Variants in MRC1 observed in about 807,000 individuals in gnomAD.
MRC1 encodes the protein macrophage mannose receptor 1.
In MRC1, 62 loss-of-function variants were observed where a neutral mutation model predicts 102.9. The observed-to-expected ratio is 0.60, with a 90% CI of 0.49 to 0.74. MRC1 has a LOEUF of 0.74. Ranked by LOEUF, MRC1 falls within the 30% of genes least tolerant of loss-of-function variation. MRC1 has a pLI of 0.00. For missense variants in MRC1, 1,237 were observed against 862.8 expected (o/e 1.43, Z -5.43); for synonymous variants, 457 against 298.4 (o/e 1.53, Z -5.48).
At chr10:17,810,287 G>T (rs1316075456) in intron 1 of MRC1, among the ~76,000 whole-genome samples, 2 of 152,014 alleles carry the variant, frequency 1.3e-5, no homozygotes, top group Non-Finnish European at 2.9e-5. Flanking sequence ...TTCATTCCTG[G>T]TTCTATTTGG....
rs929967281 is a variant in MRC1 at position 17,833,217 on chromosome 10, C to T, written c.638-458C>T. Among the ~76,000 whole-genome samples, 495 of 152,144 alleles carry T rather than the reference C, an allele frequency of 3.3e-3. 4 individuals are homozygous for T. Among genetic ancestry groups the T allele is most frequent in the Non-Finnish European group, 3.2e-3 (218 of 67,986 alleles). On this transcript the variant is annotated intron_variant, in intron 3 of 29. Transcript: ENST00000569591. ...TCAGGAGTAAAGAAAATCTCAAAGT[C>T]ATCTTAAAAACAAGTAAAACAGTCC...
In MRC1 at chr10:17,910,748, CA is replaced by C. The variant is rs1302159362; in HGVS notation, c.*284del. The C allele has an allele frequency of 1.1e-5, 5 of 439,500 alleles. No individual in the cohort carries two copies. Among genetic ancestry groups the C allele is most frequent in the African/African-American group, 1.0e-4 (5 of 50,078 alleles). The allele number at this position is 439,500 out of a possible 1,614,324, so 27.2% of individuals were successfully genotyped here. On this transcript the variant is annotated 3_prime_UTR_variant, in exon 30 of 30. Transcript: ENST00000569591. ...AGCATTAGTGATGGGTAGCTGATGT[CA>C]GCTTCATGTGGATTTTAAGCACTCT...
intron 22 of MRC1, 104 bp downstream of exon 22, chr10:17,885,539 G>T: frequency 1.4e-6 from 1 of 730,714 alleles, no homozygotes; most frequent in South Asian, 1.6e-5. Flanking sequence ...AATACTCCTT[G>T]ATCTGTTCTA....
chr10:17,860,400 C>T (rs905193631), intron 9 of MRC1, among the ~76,000 whole-genome samples: 24 of 152,050 alleles, frequency 1.6e-4, no homozygotes, highest in Non-Finnish European at 2.6e-4. Context: ...CTCAGCCTCC[C>T]GAGTAGCTGG....
chr10:17,860,931 T>C (rs1833175733), intron 9 of MRC1, among the ~76,000 whole-genome samples: 1 of 152,270 alleles, frequency 6.6e-6, no homozygotes, highest in Non-Finnish European at 1.5e-5. Flanking sequence ...ATAATTTTCA[T>C]TGCATTTCAG....
chr10:17,845,534 T>G, intron 6 of MRC1, 99 bp downstream of exon 6: 1 of 755,988 alleles, frequency 1.3e-6, no homozygotes. Flanking sequence ...GCCAGAGGTT[T>G]TGTGGATAGT....
intron 11 of MRC1, among the ~76,000 whole-genome samples, chr10:17,864,891 G>T (rs1406024844): frequency 6.8e-6 from 1 of 148,040 alleles, no homozygotes; most frequent in Non-Finnish European, 1.5e-5. Flanking sequence ...TGACTAGAAA[G>T]CTTCCAAGCA....
rs541253094 is a variant in MRC1 at position 17,833,528 on chromosome 10, A to G, written c.638-147A>G. On this transcript the variant is annotated intron_variant, in intron 3 of 29. Transcript: ENST00000569591. The stretch of plus-strand genomic sequence containing the variant: ...AGAGCAAGACTCTGTCTCAAAAAAA[A>G]AAAAAAAAAGTAGAAAGGGGGAAAA... The G allele has an allele frequency of 8.5e-5, 58 of 683,918 alleles. No homozygotes were observed. The African/African-American group carries it at 1.0e-3, about 12-fold the overall frequency. The allele number at this position is 683,918 out of a possible 1,614,324, so 42.4% of individuals were successfully genotyped here. A position where few individuals can be genotyped will look rare whatever the true frequency, so the allele number is the denominator to read the frequency against.
chr10:17,852,821 A>G (rs1157244258), intron 7 of MRC1, 146 bp from the exon 8 acceptor site: 2 of 744,300 alleles, frequency 2.7e-6, no homozygotes, highest in African/African-American at 3.4e-5. Context: ...TCAGATGAGC[A>G]CTCATGAGGA....
At chr10:17,812,888 A>T (rs1471710109) in intron 1 of MRC1, among the ~76,000 whole-genome samples, 3 of 152,074 alleles carry the variant, frequency 2.0e-5, no homozygotes, top group Non-Finnish European at 4.4e-5. Context: ...GGCTCTTGCT[A>T]GCTGCTGCTA....
chr10:17,875,453 A>G (rs2130683050), intron 17 of MRC1, among the ~76,000 whole-genome samples, 200 bp downstream of exon 17: 1 of 152,264 alleles, frequency 6.6e-6, no homozygotes, highest in East Asian at 1.9e-4. Flanking sequence ...AGTCCATTGT[A>G]TCATTCTTAT....
intron 1 of MRC1, among the ~76,000 whole-genome samples, chr10:17,822,119 T>A (rs2130589109): frequency 6.6e-6 from 1 of 152,358 alleles, no homozygotes; most frequent in African/African-American, 2.4e-5. Flanking sequence ...AGCTAGCAGC[T>A]ATGTGCTGTT....
rs376765713 is a variant in MRC1 at position 17,907,680 on chromosome 10, A to G, written c.4060A>G (p.Ile1354Val). 3.6e-3 allele frequency: 2,841 copies of G among 780,822 alleles called. 13 individuals carry two copies. Among genetic ancestry groups the G allele is most frequent in the Non-Finnish European group, 3.2e-3 (1,343 of 417,940 alleles). 48.4% of individuals were successfully genotyped at this position (780,822 alleles called of 1,614,324 possible). The change falls in exon 28 of 30, where the codon ATT (isoleucine) becomes GTT (valine). Residue 1354 changes from isoleucine to valine, a missense_variant. Coordinates refer to ENST00000569591, the MANE Select transcript of MRC1 (RefSeq NM_002438.4). ...TCACTGTTCATCCTACAAAGGATAT[A>G]TTTGTAAAAGACCAAAAAGTAAGTA... is the stretch of plus-strand genomic sequence containing the variant. ...NIHCSSYKGY[I>V]CKRPKIIDAK...
chr10:17,889,465 T>G (rs1224736351), intron 22 of MRC1, among the ~76,000 whole-genome samples: 1 of 152,226 alleles, frequency 6.6e-6, no homozygotes, highest in East Asian at 1.9e-4. Context: ...GGGGTCTTTC[T>G]GTGTTACCCA....
intron 11 of MRC1, among the ~76,000 whole-genome samples, chr10:17,864,849 A>G (rs1224162434): frequency 1.4e-5 from 2 of 139,444 alleles, no homozygotes; most frequent in African/African-American, 2.6e-5. Context: ...AAAAAAAAAA[A>G]GCAGTGGAAA....
At position 17,829,110 on chromosome 10, in the gene MRC1, G is replaced by T. The variant is rs1239973009; in HGVS notation, c.637+1395G>T. Among the ~76,000 whole-genome samples the T allele has an allele frequency of 4.6e-5, 7 of 151,414 alleles. 1 individual carries two copies. The highest frequency in any genetic ancestry group is 1.7e-4 in the African/African-American group (7 of 40,712). On this transcript the variant is annotated intron_variant, in intron 3 of 29. Transcript: ENST00000569591. ...TCTTTCTCCTGCTGCCCTGCAAAGG[G>T]ACTGGGCAGAGCAAAGAGCATTCGA...
At position 17,909,783 on chromosome 10, in the gene MRC1, T is replaced by C. The variant is rs899488417; in HGVS notation, c.4121-432T>C. Among the ~76,000 whole-genome samples, 283 of 152,226 alleles carry C rather than the reference T, an allele frequency of 1.9e-3. 2 individuals are homozygous for C. The highest frequency in any genetic ancestry group is 4.6e-4 in the Non-Finnish European group (31 of 68,006). On this transcript the variant is annotated intron_variant, in intron 29 of 29. Coordinates refer to ENST00000569591, the MANE Select transcript of MRC1 (RefSeq NM_002438.4). ...TTATGGCTTGCCTGTAACCTCCTTA[T>C]TAACATCATGAGTGCCGTTTGTTTA...
chr10:17,827,430 A>C, intron 2 of MRC1, 112 bp from the exon 3 acceptor site: 2 of 642,184 alleles, frequency 3.1e-6, no homozygotes, highest in Non-Finnish European at 5.9e-6. Flanking sequence ...CTGTGGGTGC[A>C]TCAAGTGTAA....
At chr10:17,867,272 C>CTCT (rs1227153716) in intron 12 of MRC1, among the ~76,000 whole-genome samples, 1 of 149,012 alleles carries the variant, frequency 6.7e-6, no homozygotes, top group Non-Finnish European at 1.5e-5. Flanking sequence ...CCTCCTCCTC[C>CTCT]TCTTCTTCTT....
Sources: allele counts gnomAD v4.1 joint callset (sites outside exome capture counted in the v4.1 genomes callset), GRCh38; gene constraint gnomAD v4.1.1; transcripts MANE v1.5; gene names NCBI Gene and HGNC (gene_info 2026-07-23, HGNC 2026-07-21).